Variants in LRRC34 observed in about 807,000 individuals in gnomAD.
LRRC34 encodes the protein leucine-rich repeat-containing protein 34.
Under a neutral mutation model 48.5 loss-of-function variants are expected in LRRC34, and 44 were observed. The observed-to-expected ratio is 0.91, with a 90% CI of 0.71 to 1.17. The LOEUF (loss-of-function observed/expected upper bound fraction) is 1.17. LRRC34 is among the 50% of genes most tolerant of loss of function. The pLI is 0.00. For missense variants in LRRC34, 502 were observed against 563.0 expected (o/e 0.89, Z 1.10); for synonymous variants, 192 against 197.6 (o/e 0.97, Z 0.24).
intron 10 of LRRC34, chr3:169,794,057 T>C: frequency 2.3e-6 from 1 of 427,506 alleles, no homozygotes; most frequent in Non-Finnish European, 4.1e-6. Flanking sequence ...AAAACTTATT[T>C]CTAACTTTTA....
At chr3:169,794,445 G>C (rs1178958825) in intron 10 of LRRC34, 1 of 144,820 alleles carries the variant, frequency 6.9e-6, no homozygotes, top group Non-Finnish European at 1.5e-5. Context: ...ACAGAGTCTT[G>C]CTCTGTCGCC....
intron 8 of LRRC34, 102 bp downstream of exon 8, chr3:169,796,643 T>C (rs1778999024): frequency 1.6e-5 from 20 of 1,238,784 alleles, no homozygotes; most frequent in South Asian, 4.5e-5. Flanking sequence ...TTTCTAATCA[T>C]TGGAAATAAT....
rs150059224 is a variant in LRRC34, at chr3:169,793,851, G to A, written c.1192-13C>T. Reference sequence around the variant, plus strand: ...AGTCTGAATATGCCTAGGATTTTTAGGAAAAAAACTATATCATTAAGAAAA... The same window carrying A: ...AGTCTGAATATGCCTAGGATTTTTAAGAAAAAAACTATATCATTAAGAAAA... On this transcript the variant is annotated splice_polypyrimidine_tract_variant and intron_variant, in intron 10 of 10. Coordinates refer to ENST00000446859, the MANE Select transcript of LRRC34 (RefSeq NM_001172779.2). 23,300 of 1,562,068 alleles carry A rather than the reference G, an allele frequency of 0.015. 223 individuals are homozygous for A. Among genetic ancestry groups the A allele is most frequent in the Middle Eastern group, 0.03 (177 of 5,822 alleles).
chr3:169,806,980 C>A lies in LRRC34; in HGVS notation c.445-49G>T. ...CACATTATTATTATTGGAAATTGGT[C>A]AGTTTTACATACATGTATATACATA... On this transcript the variant is annotated intron_variant, in intron 4 of 10. Transcript: ENST00000446859. 4.5e-6 allele frequency: 5 copies of A among 1,121,432 alleles called. No individual in the cohort carries two copies. In the South Asian group the frequency reaches 5.2e-5, roughly 12 times the overall value. The allele number at this position is 1,121,432 out of a possible 1,614,324, so 69.5% of individuals were successfully genotyped here. A position where few individuals can be genotyped will look rare whatever the true frequency, so the allele number is the denominator to read the frequency against.
chr3:169,808,506 A>G lies in LRRC34; in HGVS notation c.257+122T>C, dbSNP rs964918784. The G allele has an allele frequency of 1.5e-5, 9 of 605,888 alleles. No homozygotes were observed. In the African/African-American group the frequency reaches 1.5e-4, roughly 10 times the overall value. 37.5% of individuals were successfully genotyped at this position (605,888 alleles called of 1,614,324 possible). A position where few individuals can be genotyped will look rare whatever the true frequency, so the allele number is the denominator to read the frequency against. ...TCGTGTACTTACTTACCTGAATCAA[A>G]TGGTATGTTCATTTTACCAAGCATT... On this transcript the variant is annotated intron_variant, in intron 2 of 10. Coordinates refer to ENST00000446859, the MANE Select transcript of LRRC34 (RefSeq NM_001172779.2).
chr3:169,798,091 T>C (rs993845514), intron 7 of LRRC34, among the ~76,000 whole-genome samples: 2 of 152,198 alleles, frequency 1.3e-5, no homozygotes, highest in Non-Finnish European at 2.9e-5. Flanking sequence ...GCTAAAGGGA[T>C]GCTATGTAGT....
rs1442615151 is a variant in LRRC34 at position 169,800,681 on chromosome 3, C to T, written c.731G>A (p.Arg244Gln). 3.9e-6 allele frequency: 6 copies of T among 1,534,054 alleles called. No individual in the cohort carries two copies. The highest frequency in any genetic ancestry group is 2.4e-5 in the South Asian group (2 of 83,956). Residue 244 changes from arginine (R) to glutamine (Q), a missense_variant, in exon 7 of 11, where the codon CGA becomes CAA. Arg to Gln is a conservative substitution (Grantham distance 43, BLOSUM62 1). Transcript: ENST00000446859. Reference protein sequence around the residue: ...NQAIKAINLNRPILYSEQEES... With the variant: ...NQAIKAINLNQPILYSEQEES... ...TACCTGTTCACTGTACAGTATAGGTCGGTTTAGGTTTATTGCCTTAATTGC... is the reference window on the plus strand; with the variant it reads ...TACCTGTTCACTGTACAGTATAGGTTGGTTTAGGTTTATTGCCTTAATTGC...
At position 169,800,696 on chromosome 3, in the gene LRRC34, GC is replaced by G. The variant is rs1385817821; in HGVS notation, c.715del (p.Ala239GlnfsTer2). 2 of 1,535,068 alleles carry G rather than the reference GC, an allele frequency of 1.3e-6. No homozygotes were observed. The highest frequency in any genetic ancestry group is 1.7e-6 in the Non-Finnish European group (2 of 1,146,570). The stretch of plus-strand genomic sequence containing the variant: ...CAGTATAGGTCGGTTTAGGTTTATT[GC>G]CTTAATTGCTTGGTTTTGAGTTAGT... ...TVLTQNQAIK[A>X]INLNRPILYS... On this transcript the variant is annotated frameshift_variant, in exon 7 of 11. Coordinates refer to ENST00000446859, the MANE Select transcript of LRRC34 (RefSeq NM_001172779.2). LOFTEE classifies it high-confidence loss of function.
At chr3:169,797,590 A>G (rs971556754) in intron 7 of LRRC34, among the ~76,000 whole-genome samples, 7 of 152,196 alleles carry the variant, frequency 4.6e-5, no homozygotes, top group Admixed American at 6.5e-5. Context: ...GAATGGCCCA[A>G]AGTATTTTGT....
rs1778871686 is a variant in LRRC34 at position 169,793,577 on chromosome 3, T to G, written c.*58A>C. The stretch of plus-strand genomic sequence containing the variant: ...TTATAAAAGAAAATAGGCTATAGAA[T>G]ATTAATCTCTGTGAAACAATAAGAC... On this transcript the variant is annotated 3_prime_UTR_variant, in exon 11 of 11. Transcript: ENST00000446859. The G allele has an allele frequency of 8.0e-7, 1 of 1,250,024 alleles. No individual in the cohort carries two copies. Among genetic ancestry groups the G allele is most frequent in the African/African-American group, 1.5e-5 (1 of 66,408 alleles). The allele number at this position is 1,250,024 out of a possible 1,614,324, so 77.4% of individuals were successfully genotyped here.
chr3:169,795,913 A>G, intron 9 of LRRC34: 1 of 1,159,074 alleles, frequency 8.6e-7, no homozygotes, highest in Non-Finnish European at 1.1e-6. Flanking sequence ...GTTCATTCTT[A>G]CTTTTAAAAG....
Position 169,796,289 on chromosome 3 carries a change from G to A in LRRC34, c.989C>T (p.Ser330Phe), listed in dbSNP as rs143141600. The change falls in exon 9 of 11, where the codon TCC (serine) becomes TTC (phenylalanine). Residue 330 changes from serine to phenylalanine, a missense_variant. Ser to Phe is a radical substitution (Grantham distance 155). Transcript: ENST00000446859. Reference sequence around the variant, plus strand: ...GCCTGCATTTTCTATTCTGTTAAAGGAAAGATCTATTACTTCCAGGGTAGT... The same window carrying A: ...GCCTGCATTTTCTATTCTGTTAAAGAAAAGATCTATTACTTCCAGGGTAGT... ...SNTTLEVIDLSFNRIENAGAN... is the reference protein window; with the variant it reads ...SNTTLEVIDLFFNRIENAGAN... 15,307 of 1,606,274 alleles carry A rather than the reference G, an allele frequency of 9.5e-3. 108 individuals carry two copies. Among genetic ancestry groups the A allele is most frequent in the Non-Finnish European group, 0.012 (13,594 of 1,179,320 alleles).
chr3:169,808,954 G>A (rs188940028), intron 1 of LRRC34, among the ~76,000 whole-genome samples: 2 of 152,224 alleles, frequency 1.3e-5, no homozygotes, highest in African/African-American at 4.8e-5. Context: ...GGAGAACTAG[G>A]GCCATTGAAG....
intron 7 of LRRC34, among the ~76,000 whole-genome samples, chr3:169,799,662 A>G (rs1435141499): frequency 6.6e-6 from 1 of 152,158 alleles, no homozygotes; most frequent in Admixed American, 6.5e-5. Flanking sequence ...ATCTCAAAAA[A>G]GAAAAATAAA....
At chr3:169,807,056 A>C (rs1349151869) in intron 4 of LRRC34, 125 bp from the exon 5 acceptor site, 1 of 522,692 alleles carries the variant, frequency 1.9e-6, no homozygotes, top group African/African-American at 2.0e-5. Flanking sequence ...TCCAAAGAAA[A>C]TCTTTATAAC....
intron 6 of LRRC34, among the ~76,000 whole-genome samples, chr3:169,801,763 G>A (rs191301435): frequency 6.6e-6 from 1 of 152,046 alleles, no homozygotes; most frequent in East Asian, 1.9e-4. Context: ...TACCTCCCTC[G>A]TGATTTTTGC....
At chr3:169,799,619 C>T (rs1247479560) in intron 7 of LRRC34, among the ~76,000 whole-genome samples, 1 of 152,024 alleles carries the variant, frequency 6.6e-6, no homozygotes. Context: ...ATCATGCCAC[C>T]GCACTCCAGC....
At chr3:169,795,440 G>T (rs763642774) in intron 10 of LRRC34, 45 bp downstream of exon 10, 34 of 1,560,190 alleles carry the variant, frequency 2.2e-5, no homozygotes, top group Non-Finnish European at 2.8e-5. Context: ...TTACAGAGAT[G>T]ATCCCAGAAA....
At chr3:169,794,333 TC>T (rs1288867724) in intron 10 of LRRC34, 1 of 153,050 alleles carries the variant, frequency 6.5e-6, no homozygotes, top group Non-Finnish European at 1.5e-5. Flanking sequence ...CTGAATCTAA[TC>T]TACAGATTTA....
Sources: allele counts gnomAD v4.1 joint callset (sites outside exome capture counted in the v4.1 genomes callset), GRCh38; gene constraint gnomAD v4.1.1; transcripts MANE v1.5; gene names NCBI Gene and HGNC (gene_info 2026-07-23, HGNC 2026-07-21).